Variants in ZNF493 observed in about 807,000 individuals in gnomAD.
ZNF493 encodes zinc finger protein 493.
In ZNF493, 11 loss-of-function variants were observed where a neutral mutation model predicts 12.2. The observed-to-expected ratio is 0.90, with a 90% CI of 0.57 to 1.50. The LOEUF (loss-of-function observed/expected upper bound fraction) is 1.50. Ranked by LOEUF, ZNF493 falls within the 40% of genes most tolerant of loss-of-function variation. ZNF493 has a pLI of 0.00. For missense variants in ZNF493, 950 were observed against 906.6 expected (o/e 1.05, Z -0.61); for synonymous variants, 286 against 302.6 (o/e 0.95, Z 0.57).
rs546282900 is a variant in ZNF493, at chr19:21,419,537, G to C, written c.254-3376G>C. Among the ~76,000 whole-genome samples the C allele has an allele frequency of 2.0e-5, 3 of 152,240 alleles. No individual in the cohort carries two copies. The East Asian group carries it at 5.8e-4, about 30-fold the overall frequency. On this transcript the variant is annotated intron_variant, in intron 3 of 3. Coordinates refer to ENST00000392288, the MANE Select transcript of ZNF493 (RefSeq NM_001076678.3). ...AAGGAAGAATCCAGCACGGGAGAAA[G>C]ATGAAGGCTAGGCCAATGTAACCTT...
chr19:21,402,788 G>C (rs564611835), intron 1 of ZNF493, among the ~76,000 whole-genome samples: 1 of 152,276 alleles, frequency 6.6e-6, no homozygotes, highest in African/African-American at 2.4e-5. Context: ...TCTGATGACA[G>C]AATCTATAAG....
At chr19:21,407,932 A>C (rs1304603508) in intron 3 of ZNF493, 1 of 985,000 alleles carries the variant, frequency 1.0e-6, no homozygotes, top group Non-Finnish European at 1.2e-6. Context: ...CAACTCCTTA[A>C]GTTTTTATAA....
chr19:21,414,698 C>T (rs564674052), intron 3 of ZNF493: 4 of 152,278 alleles, frequency 2.6e-5, no homozygotes, highest in African/African-American at 9.6e-5. Context: ...GCAGTCAATA[C>T]CTCAATTGCA....
intron 3 of ZNF493, 72 bp downstream of exon 3, chr19:21,405,928 A>AAAAC: frequency 8.7e-7 from 1 of 1,152,706 alleles, no homozygotes; most frequent in Non-Finnish European, 1.2e-6. Flanking sequence ...AAAAAAAAAA[A>AAAAC]AGCCAGTCCT....
intron 3 of ZNF493, chr19:21,414,648 G>T (rs560686523): frequency 6.6e-6 from 1 of 152,206 alleles, no homozygotes; most frequent in African/African-American, 2.4e-5. Flanking sequence ...AATGAACCAC[G>T]TGTGAAGAAT....
rs766934918 is a variant in ZNF493, at chr19:21,420,655, T to TTTTTTTTC, written c.254-2258_254-2257insTTTTTTTC. Among the ~76,000 whole-genome samples the TTTTTTTTC allele has an allele frequency of 3.7e-4, 17 of 46,512 alleles. 1 individual carries two copies. Among genetic ancestry groups the TTTTTTTTC allele is most frequent in the East Asian group, 8.3e-4 (1 of 1,208 alleles). 30.5% of individuals were successfully genotyped at this position (46,512 alleles called of 152,430 possible). ...TTTTTTTTTTTTTTTTTTTTTTTTT[T>TTTTTTTTC]CAGAACTTTGACTATATCACACAAT... On this transcript the variant is annotated intron_variant, in intron 3 of 3. Coordinates refer to ENST00000392288, the MANE Select transcript of ZNF493 (RefSeq NM_001076678.3).
In ZNF493 at chr19:21,424,026, C is replaced by T; in HGVS notation, c.1367C>T (p.Thr456Ile). 6.2e-7 allele frequency: 1 copy of T among 1,613,352 alleles called. No individual in the cohort carries two copies. ...SILTKHKIIHTEEKPYKCEEC... is the reference protein window; with the variant it reads ...SILTKHKIIHIEEKPYKCEEC... ...CTTACTAAACATAAAATAATTCATA[C>T]AGAAGAGAAACCCTACAAATGTGAA... The change falls in exon 4 of 4, where the codon ACA becomes ATA. Residue 456 changes from threonine (T) to isoleucine (I), a missense_variant. Coordinates refer to ENST00000392288, the MANE Select transcript of ZNF493 (RefSeq NM_001076678.3).
At chr19:21,408,940 A>C (rs1245075374) in intron 3 of ZNF493, 6 of 530,404 alleles carry the variant, frequency 1.1e-5, no homozygotes, top group African/African-American at 8.6e-5. Context: ...TGGAGTGTGC[A>C]GTGGAACAAT....
Position 21,425,344 on chromosome 19 carries a change from G to A in ZNF493, c.*360G>A. The A allele has an allele frequency of 4.9e-6, 2 of 410,078 alleles. No homozygotes were observed. The highest frequency in any genetic ancestry group is 9.5e-6 in the Non-Finnish European group (2 of 209,458). 25.4% of individuals were successfully genotyped at this position (410,078 alleles called of 1,614,324 possible). Reference sequence around the variant, plus strand: ...ACACGTAAGATAATTCATACTGGAAGGAAACCCTACAAATATGAGGAATGT... The same window carrying A: ...ACACGTAAGATAATTCATACTGGAAAGAAACCCTACAAATATGAGGAATGT... On this transcript the variant is annotated 3_prime_UTR_variant, in exon 4 of 4. Coordinates refer to ENST00000392288, the MANE Select transcript of ZNF493 (RefSeq NM_001076678.3).
In ZNF493 at chr19:21,423,320, T is replaced by C. The variant is rs1486750871; in HGVS notation, c.661T>C (p.Trp221Arg). ...TGAAGAATGTGGCAAAGCCTTTATC[T>C]GGTTTTCAACCCTTACTAGACACAG... is the stretch of plus-strand genomic sequence containing the variant. ...RCEECGKAFI[W>R]FSTLTRHRRV... The change falls in exon 4 of 4, where the codon TGG becomes CGG. Residue 221 changes from tryptophan (W) to arginine (R), a missense_variant. Trp to Arg is a moderately radical substitution (Grantham distance 101). Coordinates refer to ENST00000392288, the MANE Select transcript of ZNF493 (RefSeq NM_001076678.3). 1.2e-6 allele frequency: 2 copies of C among 1,609,296 alleles called. No homozygotes were observed. The highest frequency in any genetic ancestry group is 4.5e-5 in the East Asian group (2 of 44,430).
chr19:21,408,170 G>C, intron 3 of ZNF493: 1 of 945,082 alleles, frequency 1.1e-6, no homozygotes, highest in Non-Finnish European at 1.2e-6. Flanking sequence ...TCTGTCGCCT[G>C]GCTGGAGTGC....
chr19:21,425,223 T>A lies in ZNF493; in HGVS notation c.*239T>A, dbSNP rs190449537. ...ATGTGGCAAAGGCTTTAATTAGTTC[T>A]CATCCCTTACTAAACATAAGAGAAT... On this transcript the variant is annotated 3_prime_UTR_variant, in exon 4 of 4. Transcript: ENST00000392288. The A allele has an allele frequency of 4.3e-3, 2,441 of 570,060 alleles. 13 individuals carry two copies. The highest frequency in any genetic ancestry group is 4.8e-3 in the Non-Finnish European group (1,497 of 312,002). The allele number at this position is 570,060 out of a possible 1,614,324, so 35.3% of individuals were successfully genotyped here.
chr19:21,407,660 T>C (rs2030178249), intron 3 of ZNF493: 3 of 968,034 alleles, frequency 3.1e-6, no homozygotes, highest in Non-Finnish European at 2.5e-6. Context: ...ACTTACACTT[T>C]TATGTTAATT....
chr19:21,411,606 G>C (rs1805430877), intron 3 of ZNF493, among the ~76,000 whole-genome samples: 1 of 151,806 alleles, frequency 6.6e-6, no homozygotes, highest in Non-Finnish European at 1.5e-5. Context: ...TGTAGTCCCA[G>C]CTACTTGGGA....
At chr19:21,405,307 C>T in intron 2 of ZNF493, 52 bp downstream of exon 2, 1 of 1,564,946 alleles carries the variant, frequency 6.4e-7, no homozygotes, top group Admixed American at 2.1e-5. Flanking sequence ...GTTTTCATTT[C>T]TCTGTTTTCA....
chr19:21,418,548 G>T (rs1394849310), intron 3 of ZNF493, among the ~76,000 whole-genome samples: 1 of 152,132 alleles, frequency 6.6e-6, no homozygotes, highest in East Asian at 1.9e-4. Flanking sequence ...GACCACCTCG[G>T]TCAGGGAGAC....
At chr19:21,399,617 G>T (rs984389848) in intron 1 of ZNF493, among the ~76,000 whole-genome samples, 2 of 152,040 alleles carry the variant, frequency 1.3e-5, no homozygotes, top group Non-Finnish European at 2.9e-5. Flanking sequence ...AAAGATTTGG[G>T]TTTCAAAAAA....
At chr19:21,408,741 T>C (rs2145278549) in intron 3 of ZNF493, 1 of 985,110 alleles carries the variant, frequency 1.0e-6, no homozygotes, top group Middle Eastern at 5.2e-4. Context: ...TGCAATTCTG[T>C]CTGTATACTT....
At chr19:21,415,532 G>C (rs1039058763) in intron 3 of ZNF493, among the ~76,000 whole-genome samples, 1 of 152,162 alleles carries the variant, frequency 6.6e-6, no homozygotes, top group African/African-American at 2.4e-5. Flanking sequence ...GGAGCCATAA[G>C]TAAACCAGTG....
Sources: allele counts gnomAD v4.1 joint callset (sites outside exome capture counted in the v4.1 genomes callset), GRCh38; gene constraint gnomAD v4.1.1; transcripts MANE v1.5; gene names NCBI Gene and HGNC (gene_info 2026-07-23, HGNC 2026-07-21).